AKAP6: variants seen among roughly 807,000 people sequenced by gnomAD.
AKAP6 encodes A-kinase anchor protein 6.
A neutral mutation model predicts 188.5 loss-of-function variants in AKAP6; 58 were observed. The observed-to-expected ratio is 0.31, with a 90% CI of 0.25 to 0.38. The LOEUF (loss-of-function observed/expected upper bound fraction) is 0.38. AKAP6 is among the 10% of genes least tolerant of loss of function. AKAP6 has a pLI of 1.00. For missense variants in AKAP6, 2,710 were observed against 2,740.0 expected (o/e 0.99, Z 0.24); for synonymous variants, 989 against 998.6 (o/e 0.99, Z 0.18).
chr14:32,645,524 C>G (rs1225188134), intron 7 of AKAP6, among the ~76,000 whole-genome samples: 1 of 152,166 alleles, frequency 6.6e-6, no homozygotes, highest in Non-Finnish European at 1.5e-5. Flanking sequence ...TCACGTGATC[C>G]TCCTTCCTCA....
In AKAP6 at chr14:32,647,589, A is replaced by C. The variant is rs1196349361; in HGVS notation, c.2731-30722A>C. Among the ~76,000 whole-genome samples, 4 of 152,196 alleles carry C rather than the reference A, an allele frequency of 2.6e-5. No homozygotes were observed. The East Asian group carries it at 7.7e-4, about 29-fold the overall frequency. On this transcript the variant is annotated intron_variant, in intron 7 of 13. Transcript: ENST00000280979. Reference sequence around the variant, plus strand: ...AGCTGTCTAGCAAAAGCTTTGGCCAAAGTTTTCTTCTGATAATGAATAAGA... The same window carrying C: ...AGCTGTCTAGCAAAAGCTTTGGCCACAGTTTTCTTCTGATAATGAATAAGA...
chr14:32,835,481 A>G lies in AKAP6; in HGVS notation c.*5676A>G, dbSNP rs1020014180. On this transcript the variant is annotated 3_prime_UTR_variant, in exon 14 of 14. Coordinates refer to ENST00000280979, the MANE Select transcript of AKAP6 (RefSeq NM_004274.5). Reference sequence around the variant, plus strand: ...TCAATCAAAACCATCAGAAAAATTGACACAAACTCACTTCCATGCACCAGT... The same window carrying G: ...TCAATCAAAACCATCAGAAAAATTGGCACAAACTCACTTCCATGCACCAGT... The G allele has an allele frequency of 6.6e-6, 1 of 152,246 alleles. No homozygotes were observed. The highest frequency in any genetic ancestry group is 2.4e-5 in the African/African-American group (1 of 41,462). The allele number at this position is 152,246 out of a possible 1,614,324, so 9.4% of individuals were successfully genotyped here.
At chr14:32,715,571 A>G (rs532450326) in intron 9 of AKAP6, among the ~76,000 whole-genome samples, 1 of 152,172 alleles carries the variant, frequency 6.6e-6, no homozygotes, top group Admixed American at 6.6e-5. Flanking sequence ...ACTGGATAGA[A>G]TTTAAATAAC....
At chr14:32,539,819 A>C (rs941031064) in intron 3 of AKAP6, among the ~76,000 whole-genome samples, 2 of 152,116 alleles carry the variant, frequency 1.3e-5, no homozygotes, top group Non-Finnish European at 2.9e-5. Context: ...TGCATTCGGA[A>C]TCATAGAATC....
At chr14:32,453,657 C>T (rs1366442604) in intron 2 of AKAP6, among the ~76,000 whole-genome samples, 1 of 128,890 alleles carries the variant, frequency 7.8e-6, no homozygotes, top group Admixed American at 9.8e-5. Flanking sequence ...AGTGCAGTGG[C>T]GCGATCTCCG....
chr14:32,484,792 G>A, intron 2 of AKAP6: 1 of 216,402 alleles, frequency 4.6e-6, no homozygotes, highest in Non-Finnish European at 6.7e-6. Context: ...ATCAACGGTC[G>A]GCGAACATCA....
At chr14:32,691,962 C>G (rs1466565632) in intron 8 of AKAP6, among the ~76,000 whole-genome samples, 1 of 152,192 alleles carries the variant, frequency 6.6e-6, no homozygotes, top group Non-Finnish European at 1.5e-5. Context: ...AAATCAGGCA[C>G]AAATACTTTT....
At chr14:32,561,171 CT>C (rs1883941039) in intron 4 of AKAP6, among the ~76,000 whole-genome samples, 1 of 152,082 alleles carries the variant, frequency 6.6e-6, no homozygotes, top group South Asian at 2.1e-4. Flanking sequence ...TTTGTCATGC[CT>C]TTGCTCAGAT....
chr14:32,807,686 G>A (rs889007333), intron 12 of AKAP6, among the ~76,000 whole-genome samples: 2 of 151,958 alleles, frequency 1.3e-5, no homozygotes, highest in African/African-American at 4.8e-5. Context: ...TCCATTTCTC[G>A]AGTTTTAGAG....
chr14:32,463,166 C>T (rs1027432459), intron 2 of AKAP6, among the ~76,000 whole-genome samples: 5 of 151,940 alleles, frequency 3.3e-5, no homozygotes, highest in African/African-American at 1.2e-4. Flanking sequence ...AGTTTAACAC[C>T]TCACTGTCGA....
At chr14:32,744,392 C>G (rs1471981889) in intron 11 of AKAP6, among the ~76,000 whole-genome samples, 1 of 152,078 alleles carries the variant, frequency 6.6e-6, no homozygotes, top group African/African-American at 2.4e-5. Flanking sequence ...TCTCGGCTCA[C>G]TGCAAACTCC....
At chr14:32,454,749 TTCCC>T (rs1566512336) in intron 2 of AKAP6, among the ~76,000 whole-genome samples, 1 of 2,914 alleles carries the variant, frequency 3.4e-4, no homozygotes, top group Non-Finnish European at 5.9e-4. Context: ...CCCTCCCTCC[TTCCC>T]TCCCTCCCTC....
rs768815132 is a variant in AKAP6 at position 32,546,125 on chromosome 14, A to G, written c.1472A>G (p.Glu491Gly). ...GGAAGGCTTAACGACTGCTATAAAG[A>G]GAAATCTCGACTTAAAAAGCCACAC... ...SLGRLNDCYK[E>G]KSRLKKPHKT... is the part of the protein sequence containing the mutation. The change falls in exon 4 of 14, where the codon GAG (glutamate) becomes GGG (glycine). Residue 491 changes from glutamate to glycine, a missense_variant. Physicochemically the swap from Glu to Gly is moderately conservative, Grantham distance 98. Coordinates refer to ENST00000280979, the MANE Select transcript of AKAP6 (RefSeq NM_004274.5). 8 of 1,613,754 alleles carry G rather than the reference A, an allele frequency of 5.0e-6. No homozygotes were observed. The highest frequency in any genetic ancestry group is 6.8e-6 in the Non-Finnish European group (8 of 1,179,958).
At chr14:32,502,956 G>T (rs557230826) in intron 2 of AKAP6, among the ~76,000 whole-genome samples, 2 of 152,150 alleles carry the variant, frequency 1.3e-5, no homozygotes, top group African/African-American at 4.8e-5. Context: ...ATTCTCAGAA[G>T]TAGAATTGCT....
chr14:32,363,836 A>AGGC (rs1887740565), intron 1 of AKAP6, among the ~76,000 whole-genome samples: 1 of 152,184 alleles, frequency 6.6e-6, no homozygotes, highest in Non-Finnish European at 1.5e-5. Flanking sequence ...TGACAATATT[A>AGGC]ACCATCACAA....
chr14:32,510,427 T>TGC (rs1881157989), intron 2 of AKAP6, among the ~76,000 whole-genome samples: 1 of 80,772 alleles, frequency 1.2e-5, no homozygotes, highest in Non-Finnish European at 2.3e-5. Flanking sequence ...TATATATACA[T>TGC]ATATATATGT....
intron 1 of AKAP6, among the ~76,000 whole-genome samples, chr14:32,350,538 A>G (rs1887230473): frequency 1.3e-5 from 2 of 152,202 alleles, no homozygotes; most frequent in African/African-American, 4.8e-5. Context: ...CTGGGACTGC[A>G]AGAGGACATT....
intron 9 of AKAP6, among the ~76,000 whole-genome samples, chr14:32,698,538 A>G (rs1362594818): frequency 1.3e-5 from 2 of 151,416 alleles, no homozygotes; most frequent in Non-Finnish European, 3.0e-5. Flanking sequence ...GGGCGAAACA[A>G]TTTTTTTTTA....
chr14:32,624,935 G>A (rs1886956724), intron 7 of AKAP6, among the ~76,000 whole-genome samples: 1 of 152,068 alleles, frequency 6.6e-6, no homozygotes, highest in African/African-American at 2.4e-5. Flanking sequence ...AAGGGTTTGT[G>A]TGTGTATTTG....
Sources: allele counts gnomAD v4.1 joint callset (sites outside exome capture counted in the v4.1 genomes callset), GRCh38; gene constraint gnomAD v4.1.1; transcripts MANE v1.5; gene names NCBI Gene and HGNC (gene_info 2026-07-23, HGNC 2026-07-21).